Variants in PLK1 observed in about 807,000 individuals in gnomAD.
PLK1 encodes serine/threonine-protein kinase PLK1.
In PLK1, 6 loss-of-function variants were observed where a neutral mutation model predicts 56.7. The observed-to-expected ratio is 0.11, with a 90% confidence interval of 0.06 to 0.21. The LOEUF (loss-of-function observed/expected upper bound fraction) is 0.21, where lower values mean the gene tolerates loss of function less well. PLK1 is among the 10% of genes least tolerant of loss of function. PLK1 has a pLI of 1.00. For synonymous variants in PLK1, 298 were observed against 325.0 expected (o/e 0.92, Z 0.89); for missense variants, 546 against 814.4 (o/e 0.67, Z 4.01).
At chr16:23,682,542 T>TA (rs1959349261) in intron 4 of PLK1, among the ~76,000 whole-genome samples, 1 of 141,948 alleles carries the variant, frequency 7.0e-6, no homozygotes, top group African/African-American at 2.5e-5. Flanking sequence ...TTTTTTTTTT[T>TA]ATTTGAGGTG....
intron 3 of PLK1, among the ~76,000 whole-genome samples, chr16:23,681,385 A>G (rs193036960): frequency 1.3e-5 from 2 of 152,306 alleles, no homozygotes; most frequent in Admixed American, 6.5e-5. Context: ...CAGGACCCAG[A>G]CTACTTACTG....
chr16:23,690,035 C>G lies in PLK1; in HGVS notation c.1784C>G (p.Ser595Trp). ...GTGGACAAGCTGCTGAGCTCACGCT[C>G]GGCCAGCAACCGTCTCAAGGCCTCC... ...TMVDKLLSSR[S>W]ASNRLKAS The change falls in exon 10 of 10, where the codon TCG (serine) becomes TGG (tryptophan). Residue 595 changes from serine (S) to tryptophan (W), a missense_variant. This residue lies in a region of PLK1 where 72 missense variants were observed against 77.9 expected (regional missense o/e 0.92). Transcript: ENST00000300093. 1 of 1,611,776 alleles carries G rather than the reference C, an allele frequency of 6.2e-7. No individual in the cohort carries two copies. Among genetic ancestry groups the G allele is most frequent in the Non-Finnish European group, 8.5e-7 (1 of 1,179,938 alleles).
At chr16:23,682,033 A>AC in intron 3 of PLK1, 31 bp from the exon 4 acceptor site, 1 of 1,131,446 alleles carries the variant, frequency 8.8e-7, no homozygotes, top group Middle Eastern at 2.0e-4. Context: ...TGGCTGGGAG[A>AC]CTGGTGCCAA....
rs775882173 is a variant in PLK1 at position 23,689,234 on chromosome 16, C to G, written c.1271-4C>G. 7.5e-6 allele frequency: 12 copies of G among 1,606,156 alleles called. No individual in the cohort carries two copies. In the South Asian group the frequency reaches 1.1e-4, roughly 15 times the overall value. On this transcript the variant is annotated splice_polypyrimidine_tract_variant and splice_region_variant and intron_variant, in intron 7 of 9. Coordinates refer to ENST00000300093, the MANE Select transcript of PLK1 (RefSeq NM_005030.6). The surrounding 1 kb of genome is among the most constrained non-coding windows in gnomAD (Gnocchi z 4.8). ...TTCTGAGACCTCTCTCCACCGATCC[C>G]TAGGGTATCAGCTCTGTGATAACAG...
chr16:23,679,362 C>G lies in PLK1; in HGVS notation c.408+22C>G, dbSNP rs763451102. 1.9e-6 allele frequency: 3 copies of G among 1,595,838 alleles called. No individual in the cohort carries two copies. In the East Asian group the frequency reaches 6.7e-5, roughly 36 times the overall value. On this transcript the variant is annotated intron_variant, in intron 1 of 9. Coordinates refer to ENST00000300093, the MANE Select transcript of PLK1 (RefSeq NM_005030.6). The stretch of plus-strand genomic sequence containing the variant: ...GAGGGTGAGTGTCGCTGCTGGGGAA[C>G]TGGAACTGCCTGCGGGGCAGTTGGA...
Position 23,689,381 on chromosome 16 carries a change from TTGA to T in PLK1, c.1418_1420del (p.Met473del), listed in dbSNP as rs2141001345. On this transcript the variant is annotated inframe_deletion, in exon 8 of 10. Transcript: ENST00000300093. This position sits in a 1 kb window ranked among gnomAD's most constrained non-coding sequence, Gnocchi z 4.8. The stretch of plus-strand genomic sequence containing the variant: ...CACCGTGAGTTCCCATCCCAACTCC[TTGA>T]TGAAGAAGGTGAGTGCCGTCCGGCC... The T allele has an allele frequency of 6.2e-7, 1 of 1,609,666 alleles. No homozygotes were observed. Among genetic ancestry groups the T allele is most frequent in the Non-Finnish European group, 8.5e-7 (1 of 1,176,168 alleles).
intron 7 of PLK1, 63 bp downstream of exon 7, chr16:23,688,808 C>G: frequency 8.7e-7 from 1 of 1,150,074 alleles, no homozygotes; most frequent in Non-Finnish European, 1.3e-6. Flanking sequence ...TCAGTTGTTA[C>G]AGACTCTGGC....
At position 23,678,930 on chromosome 16, in the gene PLK1, A is replaced by G. The variant is rs1959275540; in HGVS notation, c.-3A>G. 2 of 1,522,488 alleles carry G rather than the reference A, an allele frequency of 1.3e-6. No homozygotes were observed. The highest frequency in any genetic ancestry group is 2.8e-5 in the African/African-American group (2 of 72,636). 94.3% of individuals were successfully genotyped at this position (1,522,488 alleles called of 1,614,324 possible). On this transcript the variant is annotated 5_prime_UTR_variant, in exon 1 of 10. Coordinates refer to ENST00000300093, the MANE Select transcript of PLK1 (RefSeq NM_005030.6). ...TCGAGGTCTGCAGCGCAGCTTCGGGAGCATGAGTGCTGCAGTGACTGCAGG... is the reference window on the plus strand; with the variant it reads ...TCGAGGTCTGCAGCGCAGCTTCGGGGGCATGAGTGCTGCAGTGACTGCAGG...
chr16:23,680,788 C>G (rs74012330), intron 2 of PLK1, 126 bp from the exon 3 acceptor site: 13 of 904,038 alleles, frequency 1.4e-5, no homozygotes, highest in African/African-American at 1.0e-4. Flanking sequence ...TTGCTACATA[C>G]AAGGAGCAGA....
Position 23,684,055 on chromosome 16 carries a change from C to T in PLK1, c.1002C>T (p.Pro334=). Reference sequence around the variant, plus strand: ...CGATTGCTCCCAGCAGCCTGGACCCCAGCAACCGGAAGCCCCTCACAGTCC... The same window carrying T: ...CGATTGCTCCCAGCAGCCTGGACCCTAGCAACCGGAAGCCCCTCACAGTCC... ...RFSIAPSSLD[P]SNRKPLTVLN... The change falls in exon 5 of 10, where the codon CCC becomes CCT. Residue 334 remains proline (P), a synonymous_variant. Coordinates refer to ENST00000300093, the MANE Select transcript of PLK1 (RefSeq NM_005030.6). The T allele has an allele frequency of 6.2e-7, 1 of 1,614,186 alleles. No homozygotes were observed. The highest frequency in any genetic ancestry group is 1.1e-5 in the South Asian group (1 of 91,078).
At position 23,689,612 on chromosome 16, in the gene PLK1, T is replaced by C; in HGVS notation, c.1544T>C (p.Phe515Ser). 3 of 1,613,166 alleles carry C rather than the reference T, an allele frequency of 1.9e-6. No homozygotes were observed. Among genetic ancestry groups the C allele is most frequent in the Non-Finnish European group, 1.7e-6 (2 of 1,179,918 alleles). The stretch of plus-strand genomic sequence containing the variant: ...CGGCTGCCCTACCTACGGACCTGGT[T>C]CCGCACCCGCAGCGCCATCATCCTG... ...LARLPYLRTW[F>S]RTRSAIILHL... Residue 515 changes from phenylalanine (F) to serine (S), a missense_variant, in exon 9 of 10, where the codon TTC becomes TCC. By Grantham distance (155) the Phe-to-Ser change is radical. Around this residue, in one of 7 missense-constraint regions of PLK1, gnomAD observed 113 missense variants for 202.0 expected, o/e 0.56. Transcript: ENST00000300093. The surrounding 1 kb of genome is among the most constrained non-coding windows in gnomAD (Gnocchi z 4.8).
intron 5 of PLK1, among the ~76,000 whole-genome samples, chr16:23,686,156 A>G (rs1020566436): frequency 6.6e-6 from 1 of 152,086 alleles, no homozygotes; most frequent in Non-Finnish European, 1.5e-5. Flanking sequence ...CTCCAGCCTC[A>G]GCCTCCCAAG....
At chr16:23,684,705 CT>C (rs1207781159) in intron 5 of PLK1, among the ~76,000 whole-genome samples, 2 of 151,776 alleles carry the variant, frequency 1.3e-5, no homozygotes, top group South Asian at 2.1e-4. Context: ...TAAAAATTTC[CT>C]TTTTTTTGTG....
rs1959487179 is a variant in PLK1 at position 23,689,143 on chromosome 16, C to T, written c.1271-95C>T. Reference sequence around the variant, plus strand: ...AAACAATCCTCCTCCCTCAGCCTCCCAAAGTGCTGGAATCACAGGCATGTG... The same window carrying T: ...AAACAATCCTCCTCCCTCAGCCTCCTAAAGTGCTGGAATCACAGGCATGTG... On this transcript the variant is annotated intron_variant, in intron 7 of 9. Transcript: ENST00000300093. The surrounding 1 kb of genome is among the most constrained non-coding windows in gnomAD (Gnocchi z 4.8). 23 of 1,161,200 alleles carry T rather than the reference C, an allele frequency of 2.0e-5. No individual in the cohort carries two copies. In the South Asian group the frequency reaches 2.5e-4, roughly 12 times the overall value. The allele number at this position is 1,161,200 out of a possible 1,614,324, so 71.9% of individuals were successfully genotyped here. A position where few individuals can be genotyped will look rare whatever the true frequency, so the allele number is the denominator to read the frequency against.
At chr16:23,682,772 T>C (rs1033207357) in intron 4 of PLK1, among the ~76,000 whole-genome samples, 2 of 150,584 alleles carry the variant, frequency 1.3e-5, no homozygotes, top group Non-Finnish European at 3.0e-5. Flanking sequence ...CCTCAGGTGA[T>C]CCACCCGCCT....
rs772368592 is a variant in PLK1 at position 23,689,232 on chromosome 16, C to G, written c.1271-6C>G. 3.1e-6 allele frequency: 5 copies of G among 1,604,592 alleles called. No homozygotes were observed. Among genetic ancestry groups the G allele is most frequent in the African/African-American group, 2.7e-5 (2 of 74,732 alleles). On this transcript the variant is annotated splice_polypyrimidine_tract_variant and splice_region_variant and intron_variant, in intron 7 of 9. Coordinates refer to ENST00000300093, the MANE Select transcript of PLK1 (RefSeq NM_005030.6). The surrounding 1 kb of genome is among the most constrained non-coding windows in gnomAD (Gnocchi z 4.8). ...CTTTCTGAGACCTCTCTCCACCGAT[C>G]CCTAGGGTATCAGCTCTGTGATAAC...
intron 6 of PLK1, 105 bp from the exon 7 acceptor site, chr16:23,688,563 G>A (rs1469217174): frequency 1.0e-5 from 9 of 894,332 alleles, no homozygotes; most frequent in South Asian, 6.8e-5. Context: ...AGCCCAGGTG[G>A]GGTGCCCAGC....
At chr16:23,682,663 C>T (rs13338271) in intron 4 of PLK1, among the ~76,000 whole-genome samples, 269 of 151,206 alleles carry the variant, frequency 1.8e-3, no homozygotes, top group African/African-American at 6.1e-3. Flanking sequence ...GCTGGGATTA[C>T]AGGCACCCAC....
At chr16:23,681,791 T>C (rs1446540543) in intron 3 of PLK1, among the ~76,000 whole-genome samples, 1 of 152,218 alleles carries the variant, frequency 6.6e-6, no homozygotes, top group Non-Finnish European at 1.5e-5. Flanking sequence ...CTGAGGCCCT[T>C]GCACAGAGTC....
Sources: allele counts gnomAD v4.1 joint callset (sites outside exome capture counted in the v4.1 genomes callset), GRCh38; gene constraint gnomAD v4.1.1; regional missense constraint gnomAD v4.1.1; non-coding constraint Gnocchi (gnomAD v3.1); transcripts MANE v1.5; gene names NCBI Gene and HGNC (gene_info 2026-07-23, HGNC 2026-07-21).